PDE1A: variants seen among roughly 807,000 people sequenced by gnomAD.
The protein encoded by PDE1A is phosphodiesterase 1A, also known as dual specificity calcium/calmodulin-dependent 3',5'-cyclic nucleotide phosphodiesterase 1A.
PDE1A carries 35 observed loss-of-function variants against 61.7 expected under a neutral mutation model. That is an observed-to-expected ratio of 0.57 (90% CI 0.43 to 0.75). The LOEUF (loss-of-function observed/expected upper bound fraction) is 0.75. Ranked by LOEUF, PDE1A falls within the 30% of genes least tolerant of loss-of-function variation. PDE1A has a pLI of 0.00. For synonymous variants in PDE1A, 232 were observed against 213.2 expected (o/e 1.09, Z -0.77); for missense variants, 597 against 630.6 (o/e 0.95, Z 0.57).
intron 10 of PDE1A, among the ~76,000 whole-genome samples, chr2:182,193,609 C>T (rs1055346517): frequency 2.6e-5 from 4 of 152,074 alleles, no homozygotes; most frequent in Non-Finnish European, 5.9e-5. Flanking sequence ...CCCTTCTTTA[C>T]TTCTACAAAT....
chr2:182,333,188 AAGGAC>A (rs1697542599), intron 1 of PDE1A, among the ~76,000 whole-genome samples: 1 of 152,150 alleles, frequency 6.6e-6, no homozygotes, highest in Non-Finnish European at 1.5e-5. Context: ...GAAAATTAAC[AAGGAC>A]ATTCGGGACT....
chr2:182,477,248 T>C (rs1428073091), intron 2 of PDE1A, among the ~76,000 whole-genome samples: 4 of 151,916 alleles, frequency 2.6e-5, no homozygotes, highest in Non-Finnish European at 5.9e-5. Flanking sequence ...CTGACTCATG[T>C]TGAGGGTAAA....
rs917981392 is a variant in PDE1A at position 182,234,800 on chromosome 2, A to G, written c.351-302T>C. On this transcript the variant is annotated intron_variant, in intron 3 of 13. Transcript: ENST00000351439. ...AAGATGCACTACACTTTGCATATGC[A>G]ACAACTTTCTAACATGCCACCATAT... Among the ~76,000 whole-genome samples, 4 of 152,352 alleles carry G rather than the reference A, an allele frequency of 2.6e-5. No individual in the cohort carries two copies. In the South Asian group the frequency reaches 8.3e-4, roughly 32 times the overall value.
chr2:182,345,034 C>G lies in PDE1A; in HGVS notation c.54-80620G>C, dbSNP rs190085144. Among the ~76,000 whole-genome samples, 776 of 152,204 alleles carry G rather than the reference C, an allele frequency of 5.1e-3. 21 individuals carry two copies. The highest frequency in any genetic ancestry group is 0.036 in the Admixed American group (553 of 15,286). On this transcript the variant is annotated intron_variant, in intron 1 of 13. Transcript: ENST00000351439. ...CTTCTCTTAGAATCAACCAGGATAC[C>G]CTGGCTTGTTTTGGGGGCTAAAATG... is the stretch of plus-strand genomic sequence containing the variant.
chr2:182,557,571 G>A, the PDE1A span, among the ~76,000 whole-genome samples: 2 of 152,018 alleles, frequency 1.3e-5, no homozygotes, highest in Non-Finnish European at 2.9e-5. Flanking sequence ...ACTAAGCCAG[G>A]TATGGTGTCA....
intron 2 of PDE1A, among the ~76,000 whole-genome samples, chr2:182,436,800 T>TGTA (rs1334746262): frequency 6.6e-6 from 1 of 152,000 alleles, no homozygotes; most frequent in Non-Finnish European, 1.5e-5. Context: ...TGCCAAAGAC[T>TGTA]ATATAGTTCG....
intron 1 of PDE1A, among the ~76,000 whole-genome samples, chr2:182,389,810 G>A (rs1351679125): frequency 6.6e-6 from 1 of 152,202 alleles, no homozygotes; most frequent in Admixed American, 6.5e-5. Context: ...AGTGCAGACA[G>A]AATAAGGCAG....
intron 6 of PDE1A, among the ~76,000 whole-genome samples, chr2:182,227,576 T>C (rs1472670502): frequency 6.6e-6 from 1 of 152,102 alleles, no homozygotes; most frequent in Non-Finnish European, 1.5e-5. Context: ...GGTATGTTAA[T>C]AGCTATTATG....
chr2:182,506,203 A>C (rs1309015051), intron 2 of PDE1A, among the ~76,000 whole-genome samples: 1 of 151,826 alleles, frequency 6.6e-6, no homozygotes, highest in Non-Finnish European at 1.5e-5. Context: ...TTTTCTTTCC[A>C]TGTAGAGTTC....
intron 2 of PDE1A, among the ~76,000 whole-genome samples, chr2:182,453,395 G>T (rs1020887716): frequency 3.3e-5 from 5 of 151,328 alleles, no homozygotes; most frequent in African/African-American, 1.2e-4. Flanking sequence ...TGCCCGATTT[G>T]GTCTACTTAT....
intron 7 of PDE1A, among the ~76,000 whole-genome samples, chr2:182,211,683 G>A (rs772767390): frequency 6.6e-6 from 1 of 152,074 alleles, no homozygotes; most frequent in Non-Finnish European, 1.5e-5. Flanking sequence ...TTTCATCAAA[G>A]TTTTACAGTT....
the PDE1A span, among the ~76,000 whole-genome samples, chr2:182,679,936 C>G: frequency 2.0e-5 from 3 of 152,066 alleles, no homozygotes; most frequent in Admixed American, 1.3e-4. Flanking sequence ...CTACCTCTAC[C>G]AGATATTACA....
intron 1 of PDE1A, among the ~76,000 whole-genome samples, chr2:182,264,973 G>GGA (rs1692525686): frequency 6.7e-6 from 1 of 149,824 alleles, no homozygotes; most frequent in East Asian, 2.0e-4. Context: ...GGATGGGGCT[G>GGA]GAGGCCATTA....
chr2:182,565,411 G>T, the PDE1A span, among the ~76,000 whole-genome samples: 2 of 152,108 alleles, frequency 1.3e-5, no homozygotes, highest in Non-Finnish European at 1.5e-5. Flanking sequence ...TGTTCCTCTG[G>T]AAGTTTTGTC....
At chr2:182,440,627 G>A (rs989443815) in intron 2 of PDE1A, among the ~76,000 whole-genome samples, 3 of 151,994 alleles carry the variant, frequency 2.0e-5, no homozygotes, top group Admixed American at 2.0e-4. Context: ...ATTGAGAAAT[G>A]AATTAACAGT....
At chr2:182,574,325 G>T in the PDE1A span, among the ~76,000 whole-genome samples, 5 of 152,040 alleles carry the variant, frequency 3.3e-5, no homozygotes, top group African/African-American at 1.2e-4. Flanking sequence ...ACTCAGGGTC[G>T]ATGCTTTACA....
chr2:182,311,132 C>T (rs949783948), intron 1 of PDE1A, among the ~76,000 whole-genome samples: 1 of 152,152 alleles, frequency 6.6e-6, no homozygotes, highest in Non-Finnish European at 1.5e-5. Context: ...CTCTGTTAAG[C>T]CACCAAAATG....
At chr2:182,474,483 A>G (rs532389352) in intron 2 of PDE1A, among the ~76,000 whole-genome samples, 1 of 152,026 alleles carries the variant, frequency 6.6e-6, no homozygotes, top group Admixed American at 6.6e-5. Context: ...GACTCCATTC[A>G]TAATTAGCAT....
exon 1 of PDE1A, chr2:182,426,860 G>C: frequency 7.5e-7 from 1 of 1,331,108 alleles, no homozygotes; most frequent in Non-Finnish European, 9.6e-7. Context: ...CCACAGAGCA[G>C]GGTGTGCAAA....
Sources: allele counts gnomAD v4.1 joint callset (sites outside exome capture counted in the v4.1 genomes callset), GRCh38; gene constraint gnomAD v4.1.1; transcripts MANE v1.5; gene names NCBI Gene and HGNC (gene_info 2026-07-23, HGNC 2026-07-21).